NYAP2: variants seen among roughly 807,000 people sequenced by gnomAD.
NYAP2 encodes neuronal tyrosine-phosphorylated phosphoinositide-3-kinase adaptor 2, also known as neuronal tyrosine-phosphorylated phosphoinositide-3-kinase adapter 2.
A neutral mutation model predicts 50.4 loss-of-function variants in NYAP2; 23 were observed. That is an observed-to-expected ratio of 0.46 (90% CI 0.33 to 0.65). The LOEUF (loss-of-function observed/expected upper bound fraction) is 0.65. Among genes scored for constraint, NYAP2 ranks in the 30% least tolerant of loss-of-function variants. The pLI, the probability that NYAP2 is intolerant of heterozygous loss-of-function variation, is 0.02. For missense variants in NYAP2, 885 were observed against 861.0 expected, an observed-to-expected ratio of 1.03 and a Z score of -0.35; for synonymous variants, 394 against 365.2, an observed-to-expected ratio of 1.08 and a Z score of -0.90.
chr2:225,681,847 T>C, the NYAP2 span, among the ~76,000 whole-genome samples: 1 of 152,164 alleles, frequency 6.6e-6, no homozygotes, highest in African/African-American at 2.4e-5. Flanking sequence ...GCCTCAGTTC[T>C]TCATCTATAA....
intron 3 of NYAP2, among the ~76,000 whole-genome samples, chr2:225,433,816 CAAAAAAAA>C (rs35886164): frequency 1.6e-5 from 1 of 62,490 alleles, no homozygotes; most frequent in Non-Finnish European, 2.6e-5. Context: ...GACTCCGTCT[CAAAAAAAA>C]AAAAAAAAAA....
intron 3 of NYAP2, among the ~76,000 whole-genome samples, chr2:225,496,146 G>T (rs1414106787): frequency 6.6e-6 from 1 of 152,188 alleles, no homozygotes; most frequent in East Asian, 1.9e-4. Context: ...CCAAAAGGGG[G>T]TCAAAGGAGA....
At chr2:225,663,405 C>T in the NYAP2 span, among the ~76,000 whole-genome samples, 1 of 152,106 alleles carries the variant, frequency 6.6e-6, no homozygotes, top group Non-Finnish European at 1.5e-5. Context: ...TGCCCACTGC[C>T]CACAGCATGA....
At chr2:225,404,817 G>T (rs1174409997) in intron 2 of NYAP2, among the ~76,000 whole-genome samples, 2 of 151,980 alleles carry the variant, frequency 1.3e-5, no homozygotes, top group South Asian at 2.1e-4. Context: ...TAAACAAAAA[G>T]AGTCTTTTGT....
rs571872910 is a variant in NYAP2, at chr2:225,421,423, TAG to T, written c.221+12323_221+12324del. Among the ~76,000 whole-genome samples, 369 of 152,288 alleles carry T rather than the reference TAG, an allele frequency of 2.4e-3. 1 individual carries two copies. Among genetic ancestry groups the T allele is most frequent in the African/African-American group, 8.2e-3 (342 of 41,570 alleles). Reference sequence around the variant, plus strand: ...TCAGCAACTGGTATTTTATTTTACTTAGGGGACAGATGACATTTTGTGATTTA... The same window carrying T: ...TCAGCAACTGGTATTTTATTTTACTTGGGACAGATGACATTTTGTGATTTA... On this transcript the variant is annotated intron_variant, in intron 3 of 6. Transcript: ENST00000636099.
At chr2:225,647,149 GA>G (rs563110485) in intron 6 of NYAP2, among the ~76,000 whole-genome samples, 2,631 of 148,874 alleles carry the variant, frequency 0.018, 65 homozygotes, top group African/African-American at 0.061. Flanking sequence ...CCTTTTCTAG[GA>G]AAAAAAAAAT....
the NYAP2 span, among the ~76,000 whole-genome samples, chr2:225,698,009 C>T: frequency 3.3e-5 from 5 of 151,610 alleles, no homozygotes; most frequent in Non-Finnish European, 4.4e-5. Context: ...CTCATCTCTA[C>T]CAAAATTTTT....
the NYAP2 span, chr2:225,702,782 T>C: frequency 2.6e-5 from 4 of 151,726 alleles, no homozygotes; most frequent in Non-Finnish European, 1.5e-5. Flanking sequence ...TATTTCCCTT[T>C]AAATATTATG....
exon 7 of NYAP2, chr2:225,651,572 G>A: frequency 6.2e-7 from 1 of 1,613,426 alleles, no homozygotes. Flanking sequence ...TTGACTTCCT[G>A]TGATACAACT....
the NYAP2 span, among the ~76,000 whole-genome samples, chr2:225,670,591 T>C: frequency 7.4e-6 from 1 of 135,388 alleles, no homozygotes; most frequent in African/African-American, 2.8e-5. Flanking sequence ...TGGGAAAACG[T>C]CTTCAGTATT....
At chr2:225,663,065 G>T in the NYAP2 span, among the ~76,000 whole-genome samples, 1 of 152,102 alleles carries the variant, frequency 6.6e-6, no homozygotes, top group African/African-American at 2.4e-5. Flanking sequence ...TAAAACATGG[G>T]CTATTTTTAA....
At chr2:225,615,367 T>C (rs191242778) in intron 5 of NYAP2, among the ~76,000 whole-genome samples, 10 of 152,276 alleles carry the variant, frequency 6.6e-5, no homozygotes, top group Admixed American at 2.0e-4. Context: ...AGATCTACTA[T>C]TAATGAGGGA....
chr2:225,546,356 G>A (rs1181079785), intron 4 of NYAP2, among the ~76,000 whole-genome samples: 1 of 152,082 alleles, frequency 6.6e-6, no homozygotes, highest in Non-Finnish European at 1.5e-5. Flanking sequence ...AAATCTACCT[G>A]ATGCTCTATT....
At chr2:225,444,581 A>G (rs543218408) in intron 3 of NYAP2, among the ~76,000 whole-genome samples, 1 of 152,340 alleles carries the variant, frequency 6.6e-6, no homozygotes, top group South Asian at 2.1e-4. Flanking sequence ...CTATCTGTTC[A>G]ATCAACTTCC....
chr2:225,563,787 T>C (rs73089051), intron 4 of NYAP2, among the ~76,000 whole-genome samples: 3,412 of 152,242 alleles, frequency 0.022, 127 homozygotes, highest in African/African-American at 0.076. Flanking sequence ...AAATTAGTTT[T>C]AGAGTGATTT....
intron 3 of NYAP2, among the ~76,000 whole-genome samples, chr2:225,460,243 G>T (rs1196725070): frequency 6.6e-6 from 1 of 152,098 alleles, no homozygotes; most frequent in East Asian, 1.9e-4. Context: ...TAATTAATAA[G>T]GTAGCAATTT....
At chr2:225,511,377 G>C (rs6758773) in intron 3 of NYAP2, among the ~76,000 whole-genome samples, 5,367 of 134,908 alleles carry the variant, frequency 0.04, 100 homozygotes, top group Non-Finnish European at 0.054. Flanking sequence ...CACACACAGA[G>C]AGAGAGAGAG....
chr2:225,533,280 C>T (rs1691289558), intron 4 of NYAP2, among the ~76,000 whole-genome samples: 2 of 152,264 alleles, frequency 1.3e-5, no homozygotes, highest in South Asian at 4.2e-4. Context: ...CCTTGCAGTT[C>T]CAAGTAACAA....
At chr2:225,657,121 T>C (rs1693841873), downstream of NYAP2, among the ~76,000 whole-genome samples, 1 of 138,696 alleles carries the variant, frequency 7.2e-6, no homozygotes, top group Non-Finnish European at 1.6e-5. Context: ...TTTTTTTTTT[T>C]TTTTTTGAGA....
Sources: allele counts gnomAD v4.1 joint callset (sites outside exome capture counted in the v4.1 genomes callset), GRCh38; gene constraint gnomAD v4.1.1; transcripts MANE v1.5; gene names NCBI Gene and HGNC (gene_info 2026-07-23, HGNC 2026-07-21).